The following ARHGEF38 variants were observed in gnomAD, a reference collection of about 807,000 sequenced individuals.
The protein encoded by ARHGEF38 is Rho guanine nucleotide exchange factor 38.
A neutral mutation model predicts 79.9 loss-of-function variants in ARHGEF38; 79 were observed. The ratio of observed to expected loss-of-function variants is 0.99; its 90% CI spans 0.82 to 1.19. The LOEUF is 1.19. Ranked by LOEUF, ARHGEF38 falls within the 50% of genes most tolerant of loss-of-function variation. The pLI is 0.00. For missense variants in ARHGEF38, 962 were observed against 907.2 expected (o/e 1.06, Z -0.78); for synonymous variants, 366 against 328.3 (o/e 1.11, Z -1.24).
At chr4:105,589,613 T>C (rs1366596205) in intron 2 of ARHGEF38, among the ~76,000 whole-genome samples, 178 bp downstream of exon 2, 2 of 152,130 alleles carry the variant, frequency 1.3e-5, no homozygotes, top group African/African-American at 2.4e-5. Context: ...CCTTGTGGAG[T>C]TCACTTTCTA....
intron 6 of ARHGEF38, 68 bp from the exon 7 acceptor site, chr4:105,648,481 C>A: frequency 7.4e-7 from 1 of 1,357,592 alleles, no homozygotes; most frequent in Non-Finnish European, 9.6e-7. Flanking sequence ...GTCTTGAAAA[C>A]TTTGGGTGAA....
intron 3 of ARHGEF38, among the ~76,000 whole-genome samples, chr4:105,619,198 C>T (rs896911521): frequency 2.0e-5 from 3 of 151,808 alleles, no homozygotes; most frequent in Non-Finnish European, 4.4e-5. Flanking sequence ...GCTGGCCTTG[C>T]GACTTGCTTT....
In ARHGEF38 at chr4:105,617,536, T is replaced by C. The variant is rs530990274; in HGVS notation, c.508+4029T>C. Among the ~76,000 whole-genome samples, 7 of 152,322 alleles carry C rather than the reference T, an allele frequency of 4.6e-5. No homozygotes were observed. The South Asian group carries it at 1.4e-3, about 32-fold the overall frequency. Reference sequence around the variant, plus strand: ...TTCCTGCTGGTCATTAATCAGTCTTTGGAAATGTTTGATTCTTTGAAGCAC... The same window carrying C: ...TTCCTGCTGGTCATTAATCAGTCTTCGGAAATGTTTGATTCTTTGAAGCAC... On this transcript the variant is annotated intron_variant, in intron 3 of 13. Transcript: ENST00000420470.
intron 3 of ARHGEF38, among the ~76,000 whole-genome samples, chr4:105,625,268 G>A (rs1728897905): frequency 6.6e-6 from 1 of 152,030 alleles, no homozygotes; most frequent in African/African-American, 2.4e-5. Context: ...AGTATAGAGG[G>A]GGCCTTAACT....
At chr4:105,667,054 A>C in intron 11 of ARHGEF38, 75 bp from the exon 12 acceptor site, 6 of 1,275,486 alleles carry the variant, frequency 4.7e-6, no homozygotes, top group Non-Finnish European at 6.3e-6. Context: ...ATCTCCAGGG[A>C]AAAAATATTT....
At chr4:105,652,011 A>C (rs1205336297) in intron 7 of ARHGEF38, among the ~76,000 whole-genome samples, 2 of 152,210 alleles carry the variant, frequency 1.3e-5, no homozygotes, top group Non-Finnish European at 2.9e-5. Flanking sequence ...CAGACATGAA[A>C]ACAAGGCTTC....
intron 1 of ARHGEF38, among the ~76,000 whole-genome samples, chr4:105,558,985 G>T (rs796375227): frequency 1.3e-4 from 20 of 150,806 alleles, no homozygotes; most frequent in African/African-American, 4.9e-4. Flanking sequence ...TAAAGTTGGA[G>T]AAATGATGGG....
chr4:105,584,613 A>G (rs1483290029), intron 1 of ARHGEF38, among the ~76,000 whole-genome samples: 1 of 152,200 alleles, frequency 6.6e-6, no homozygotes, highest in Non-Finnish European at 1.5e-5. Context: ...CCTCTACTAT[A>G]TCTACATCTC....
chr4:105,606,223 C>T (rs1314232943), intron 2 of ARHGEF38, among the ~76,000 whole-genome samples: 1 of 152,060 alleles, frequency 6.6e-6, no homozygotes, highest in Admixed American at 6.6e-5. Context: ...GGATTTACTG[C>T]AAAACTACAC....
chr4:105,647,688 T>C (rs1310952084), intron 6 of ARHGEF38, among the ~76,000 whole-genome samples: 1 of 152,158 alleles, frequency 6.6e-6, no homozygotes, highest in Non-Finnish European at 1.5e-5. Flanking sequence ...ATTGTCCATC[T>C]CCCTACACTT....
chr4:105,595,010 G>C (rs1727515561), intron 2 of ARHGEF38, among the ~76,000 whole-genome samples: 1 of 152,178 alleles, frequency 6.6e-6, no homozygotes, highest in South Asian at 2.1e-4. Context: ...TCTAACAATG[G>C]AAAGGGCAAA....
intron 5 of ARHGEF38, among the ~76,000 whole-genome samples, chr4:105,639,190 C>T (rs17036041): frequency 0.33 from 49,325 of 151,708 alleles, 11,006 homozygotes; most frequent in African/African-American, 0.63. Flanking sequence ...TCATTTCTAA[C>T]GAATGATGTT....
chr4:105,591,350 T>G (rs1727325683), intron 2 of ARHGEF38, among the ~76,000 whole-genome samples: 1 of 152,096 alleles, frequency 6.6e-6, no homozygotes, highest in Admixed American at 6.6e-5. Context: ...TGCCTCAGCC[T>G]CCCGAGTAGC....
At chr4:105,613,740 AT>A (rs140143573) in intron 3 of ARHGEF38, among the ~76,000 whole-genome samples, 1,582 of 152,138 alleles carry the variant, frequency 0.01, 27 homozygotes, top group African/African-American at 0.036. Flanking sequence ...TTGCTTTTTA[AT>A]TTCCAATCTT....
intron 1 of ARHGEF38, among the ~76,000 whole-genome samples, chr4:105,558,656 AG>A (rs3834236): frequency 0.061 from 9,298 of 152,216 alleles, 403 homozygotes; most frequent in East Asian, 0.18. Flanking sequence ...AGTTTTTAGA[AG>A]GACCATTTGT....
At chr4:105,634,882 C>A (rs960477849) in intron 4 of ARHGEF38, among the ~76,000 whole-genome samples, 2 of 152,170 alleles carry the variant, frequency 1.3e-5, no homozygotes, top group African/African-American at 4.8e-5. Flanking sequence ...ACTCCTGGAG[C>A]TTCTCCATTC....
intron 3 of ARHGEF38, among the ~76,000 whole-genome samples, chr4:105,628,772 C>T (rs1022337776): frequency 6.6e-6 from 1 of 152,030 alleles, no homozygotes; most frequent in African/African-American, 2.4e-5. Flanking sequence ...CAGAGTCTAA[C>T]TATAAGCATA....
intron 10 of ARHGEF38, among the ~76,000 whole-genome samples, 166 bp from the exon 11 acceptor site, chr4:105,666,011 G>T (rs935201283): frequency 3.3e-5 from 5 of 152,090 alleles, no homozygotes; most frequent in Non-Finnish European, 1.5e-5. Flanking sequence ...GGTTTCTAGA[G>T]ACAATAAATT....
At chr4:105,639,960 C>T (rs1484859870) in intron 5 of ARHGEF38, among the ~76,000 whole-genome samples, 1 of 152,064 alleles carries the variant, frequency 6.6e-6, no homozygotes, top group African/African-American at 2.4e-5. Context: ...ATCCCCTCTT[C>T]TCCTGCCAGC....
Sources: gnomAD v4.1 joint callset for allele counts (sites outside exome capture counted in the v4.1 genomes callset) on GRCh38, gnomAD v4.1.1 for gene constraint, MANE v1.5 for transcripts, NCBI Gene and HGNC (gene_info 2026-07-23, HGNC 2026-07-21) for gene names.